The following PTPRM variants were observed in gnomAD, a reference collection of about 807,000 sequenced individuals.
PTPRM encodes receptor-type tyrosine-protein phosphatase mu.
Under a neutral mutation model 186.7 loss-of-function variants are expected in PTPRM, and 47 were observed. The ratio of observed to expected loss-of-function variants is 0.25; its 90% CI spans 0.20 to 0.32. The LOEUF (loss-of-function observed/expected upper bound fraction) is 0.32, where lower values mean the gene tolerates loss of function less well. Among genes scored for constraint, PTPRM ranks in the 10% least tolerant of loss-of-function variants. PTPRM has a pLI of 1.00. For missense variants in PTPRM, 1,494 were observed against 1,865.0 expected, an observed-to-expected ratio of 0.80 and a Z score of 3.66; for synonymous variants, 668 against 674.9, an observed-to-expected ratio of 0.99 and a Z score of 0.16.
At chr18:7,850,431 A>G (rs1200994987) in intron 2 of PTPRM, among the ~76,000 whole-genome samples, 1 of 152,214 alleles carries the variant, frequency 6.6e-6, no homozygotes, top group Non-Finnish European at 1.5e-5. Context: ...CCAATATTCC[A>G]GGGAGAAGGT....
chr18:8,342,789 T>G (rs1181213224), intron 22 of PTPRM, among the ~76,000 whole-genome samples: 2 of 152,202 alleles, frequency 1.3e-5, no homozygotes, highest in Admixed American at 6.5e-5. Flanking sequence ...TTTCCAGCCA[T>G]AGGAAAGAGC....
At chr18:8,151,095 G>T (rs894931982) in intron 14 of PTPRM, among the ~76,000 whole-genome samples, 3 of 152,124 alleles carry the variant, frequency 2.0e-5, no homozygotes, top group Non-Finnish European at 2.9e-5. Flanking sequence ...TCCTAGTCAG[G>T]ATACACGGGG....
intron 19 of PTPRM, among the ~76,000 whole-genome samples, chr18:8,289,104 G>A (rs900464600): frequency 2.0e-5 from 3 of 152,190 alleles, no homozygotes; most frequent in Admixed American, 2.0e-4. Flanking sequence ...GAATGGCCTT[G>A]GCTTGGGTCC....
chr18:7,954,633 T>C (rs532009653), intron 6 of PTPRM, among the ~76,000 whole-genome samples: 1 of 152,308 alleles, frequency 6.6e-6, no homozygotes, highest in South Asian at 2.1e-4. Context: ...TCCTAGAGCT[T>C]AAATACTACT....
chr18:7,740,476 C>T (rs1036914674), intron 1 of PTPRM, among the ~76,000 whole-genome samples: 2 of 152,068 alleles, frequency 1.3e-5, no homozygotes, highest in Non-Finnish European at 2.9e-5. Flanking sequence ...TGGATTGCAA[C>T]GGTCTGATTA....
chr18:7,620,450 C>T (rs996451274), intron 1 of PTPRM, among the ~76,000 whole-genome samples: 13 of 152,142 alleles, frequency 8.5e-5, no homozygotes, highest in Admixed American at 3.3e-4. Context: ...CAGATGAGGA[C>T]AACTCTGTGT....
At chr18:7,927,176 G>A (rs1045731791) in intron 5 of PTPRM, among the ~76,000 whole-genome samples, 1 of 152,120 alleles carries the variant, frequency 6.6e-6, no homozygotes, top group African/African-American at 2.4e-5. Context: ...GATCAATTGT[G>A]TGACTTGTTT....
intron 19 of PTPRM, among the ~76,000 whole-genome samples, chr18:8,258,311 A>G (rs2094594164): frequency 1.3e-5 from 2 of 152,136 alleles, no homozygotes; most frequent in South Asian, 4.2e-4. Context: ...CTCACGAGGG[A>G]CAGACAGGTC....
chr18:7,851,056 G>A (rs903381159), intron 2 of PTPRM, among the ~76,000 whole-genome samples: 2 of 152,140 alleles, frequency 1.3e-5, no homozygotes, highest in African/African-American at 4.8e-5. Flanking sequence ...AGAGATTCTA[G>A]AATGAAAATC....
intron 1 of PTPRM, among the ~76,000 whole-genome samples, chr18:7,772,357 T>TTCTTTCTTTCTTTCTTTC (rs1568108154): frequency 2.9e-4 from 9 of 31,106 alleles, no homozygotes; most frequent in African/African-American, 7.4e-4. Context: ...TTCTCTTTCT[T>TTCTTTCTTTCTTTCTTTC]TCTTTCTTTC....
intron 23 of PTPRM, among the ~76,000 whole-genome samples, chr18:8,354,586 C>G (rs990828945): frequency 6.7e-6 from 1 of 150,354 alleles, no homozygotes; most frequent in East Asian, 1.9e-4. Flanking sequence ...TCACAGCTAC[C>G]CTGAGTACAT....
chr18:7,702,940 T>C (rs2144722176), intron 1 of PTPRM, among the ~76,000 whole-genome samples: 1 of 152,344 alleles, frequency 6.6e-6, no homozygotes, highest in South Asian at 2.1e-4. Flanking sequence ...TAGGGAATCC[T>C]TTCCCCATTG....
chr18:7,953,343 G>T (rs1645435161), intron 6 of PTPRM, among the ~76,000 whole-genome samples: 1 of 152,058 alleles, frequency 6.6e-6, no homozygotes, highest in South Asian at 2.1e-4. Flanking sequence ...TGCTCTTTCA[G>T]TCTGGCTACA....
chr18:8,300,738 C>T (rs1286779210), intron 20 of PTPRM, among the ~76,000 whole-genome samples: 2 of 152,138 alleles, frequency 1.3e-5, no homozygotes, highest in African/African-American at 4.8e-5. Flanking sequence ...CCTTCCAGTG[C>T]TCTTTTAGTG....
intron 2 of PTPRM, among the ~76,000 whole-genome samples, chr18:7,785,422 A>G (rs934874232): frequency 7.2e-5 from 11 of 152,010 alleles, no homozygotes; most frequent in Middle Eastern, 3.4e-3. Context: ...CTTTGCAGAA[A>G]AAAGTGTGTG....
chr18:8,259,923 T>C (rs923997508), intron 19 of PTPRM, among the ~76,000 whole-genome samples: 1 of 152,168 alleles, frequency 6.6e-6, no homozygotes, highest in Non-Finnish European at 1.5e-5. Flanking sequence ...ATTACAGGTG[T>C]GAGCCACCCT....
intron 7 of PTPRM, among the ~76,000 whole-genome samples, chr18:8,057,350 C>T (rs77170547): frequency 0.084 from 12,599 of 150,540 alleles, 611 homozygotes; most frequent in South Asian, 0.12. Context: ...CTTCAAAAAC[C>T]CTAAACACCA....
intron 2 of PTPRM, among the ~76,000 whole-genome samples, chr18:7,834,489 T>TATACACACACACACACACAC (rs1555613379): frequency 9.7e-3 from 37 of 3,798 alleles, no homozygotes; most frequent in African/African-American, 0.032. Flanking sequence ...AATATACAAG[T>TATACACACACACACACACAC]ATACACACAC....
chr18:8,338,085 AC>A (rs2095450629), intron 22 of PTPRM, among the ~76,000 whole-genome samples: 3 of 151,716 alleles, frequency 2.0e-5, no homozygotes, highest in Non-Finnish European at 4.4e-5. Context: ...TTGGAGGGGG[AC>A]AGAAATGGAG....
Sources: gnomAD v4.1 joint callset for allele counts (sites outside exome capture counted in the v4.1 genomes callset) on GRCh38, gnomAD v4.1.1 for gene constraint, MANE v1.5 for transcripts, NCBI Gene and HGNC (gene_info 2026-07-23, HGNC 2026-07-21) for gene names.